The following MLIP variants were observed in gnomAD, a reference collection of about 807,000 sequenced individuals.
MLIP encodes muscular LMNA interacting protein.
Under a neutral mutation model 84.8 loss-of-function variants are expected in MLIP, and 79 were observed. The ratio of observed to expected loss-of-function variants is 0.93; its 90% CI spans 0.78 to 1.12. The LOEUF (loss-of-function observed/expected upper bound fraction) is 1.12. Among genes scored for constraint, MLIP ranks in the 50% most tolerant of loss-of-function variants. The pLI, the probability that MLIP is intolerant of heterozygous loss-of-function variation, is 0.00. For synonymous variants in MLIP, 504 were observed against 463.0 expected (o/e 1.09, Z -1.14); for missense variants, 1,257 against 1,160.6 (o/e 1.08, Z -1.21).
intron 1 of MLIP, among the ~76,000 whole-genome samples, chr6:54,027,525 A>G (rs1031347268): frequency 8.5e-5 from 13 of 152,156 alleles, no homozygotes; most frequent in African/African-American, 2.7e-4. Context: ...CCTGACACAG[A>G]TATCTTAGTT....
intron 1 of MLIP, among the ~76,000 whole-genome samples, chr6:54,051,139 T>G (rs900232039): frequency 6.6e-6 from 1 of 151,914 alleles, no homozygotes; most frequent in Non-Finnish European, 1.5e-5. Context: ...TCAACCTCCT[T>G]GTTGGACCTC....
intron 9 of MLIP, among the ~76,000 whole-genome samples, chr6:54,174,569 A>G (rs1460196080): frequency 1.3e-5 from 2 of 151,914 alleles, no homozygotes; most frequent in Admixed American, 6.6e-5. Context: ...ATCTATTGAA[A>G]TCTTTTGCCG....
chr6:54,167,030 T>C (rs1377545425), intron 8 of MLIP, among the ~76,000 whole-genome samples: 6 of 151,936 alleles, frequency 3.9e-5, no homozygotes, highest in Admixed American at 3.9e-4. Flanking sequence ...CCTATTTCTA[T>C]AGCTTCAGAA....
chr6:54,218,937 C>T (rs939270607), intron 11 of MLIP, among the ~76,000 whole-genome samples: 1 of 151,994 alleles, frequency 6.6e-6, no homozygotes, highest in African/African-American at 2.4e-5. Flanking sequence ...GGTGCAGTGG[C>T]TCACACCTGT....
At chr6:54,102,454 A>C (rs1582145133) in intron 1 of MLIP, among the ~76,000 whole-genome samples, 1 of 152,056 alleles carries the variant, frequency 6.6e-6, no homozygotes, top group Admixed American at 6.6e-5. Flanking sequence ...TTCTTTATGT[A>C]CCCTGGCCTC....
chr6:54,088,867 T>C (rs1263416070), intron 1 of MLIP, among the ~76,000 whole-genome samples: 1 of 152,176 alleles, frequency 6.6e-6, no homozygotes, highest in East Asian at 1.9e-4. Flanking sequence ...TAGATATTCT[T>C]ATAGTAGAAG....
intron 11 of MLIP, chr6:54,216,473 G>C: frequency 1.0e-6 from 1 of 985,404 alleles, no homozygotes; most frequent in Non-Finnish European, 1.2e-6. Context: ...TTTCCCTTGA[G>C]TGTACCTCCA....
chr6:54,127,427 A>G (rs529707058), intron 3 of MLIP, among the ~76,000 whole-genome samples: 3 of 152,294 alleles, frequency 2.0e-5, no homozygotes, highest in South Asian at 4.1e-4. Flanking sequence ...AAAAGATTGC[A>G]TATCTTTTCA....
At chr6:54,102,791 T>C (rs990312579) in intron 1 of MLIP, among the ~76,000 whole-genome samples, 9 of 152,118 alleles carry the variant, frequency 5.9e-5, no homozygotes, top group Admixed American at 3.9e-4. Context: ...AACAAATACA[T>C]TTCCCATCAC....
At position 54,137,678 on chromosome 6, in the gene MLIP, C is replaced by T; in HGVS notation, c.1609C>T (p.Leu537Phe). 1 of 1,536,104 alleles carries T rather than the reference C, an allele frequency of 6.5e-7. No individual in the cohort carries two copies. The highest frequency in any genetic ancestry group is 2.0e-5 in the Admixed American group (1 of 50,992). ...PSPTLKSNTM[L>F]SLLQTSTSSS... ...ACCTACTTTGAAGAGCAATACCATG[C>T]TCTCCCTGCTACAAACCAGTACATC... The change falls in exon 4 of 14, where the codon CTC (leucine) becomes TTC (phenylalanine). Residue 537 changes from leucine to phenylalanine, a missense_variant. Physicochemically the swap from Leu to Phe is conservative, Grantham distance 22. Transcript: ENST00000502396.
At chr6:54,166,131 G>A (rs1436405139) in intron 8 of MLIP, among the ~76,000 whole-genome samples, 1 of 151,894 alleles carries the variant, frequency 6.6e-6, no homozygotes, top group Non-Finnish European at 1.5e-5. Context: ...TAAGAAGCTG[G>A]AAATGTCCTC....
intron 8 of MLIP, among the ~76,000 whole-genome samples, chr6:54,164,093 A>C (rs1008029676): frequency 6.6e-6 from 1 of 151,856 alleles, no homozygotes; most frequent in Non-Finnish European, 1.5e-5. Flanking sequence ...TTTATGTATG[A>C]TCTTACAGAT....
intron 4 of MLIP, among the ~76,000 whole-genome samples, chr6:54,143,923 A>G (rs1772551524): frequency 6.6e-6 from 1 of 152,198 alleles, no homozygotes; most frequent in Admixed American, 6.5e-5. Flanking sequence ...AAAATATTAT[A>G]ATAAAATGAA....
intron 5 of MLIP, among the ~76,000 whole-genome samples, chr6:54,151,274 G>T (rs539451707): frequency 4.2e-4 from 64 of 151,886 alleles, no homozygotes; most frequent in African/African-American, 1.5e-3. Flanking sequence ...AAATATCAAA[G>T]CCTTATCTAA....
rs762279694 is a variant in MLIP, at chr6:54,230,756, T to C, written c.2761T>C (p.Tyr921His). ...CAAGCCTGTCTCGCTCCATCCTTTA[T>C]ATCAGACTAAACTCTATCCTCCTGC... ...PPKPVSLHPLYQTKLYPPAKS... is the reference protein window; with the variant it reads ...PPKPVSLHPLHQTKLYPPAKS... Residue 921 changes from tyrosine to histidine, a missense_variant, in exon 12 of 14, where the codon TAT becomes CAT. Transcript: ENST00000502396. 6.2e-7 allele frequency: 1 copy of C among 1,614,158 alleles called. No homozygotes were observed. The highest frequency in any genetic ancestry group is 8.5e-7 in the Non-Finnish European group (1 of 1,180,004).
intron 5 of MLIP, among the ~76,000 whole-genome samples, chr6:54,159,520 C>T (rs1002865465): frequency 3.9e-5 from 6 of 152,014 alleles, no homozygotes; most frequent in African/African-American, 1.2e-4. Context: ...GTAGAGTCAA[C>T]GCTTGCAAGA....
Position 54,137,533 on chromosome 6 carries a change from G to A in MLIP, c.1464G>A (p.Gln488=). 6.5e-7 allele frequency: 1 copy of A among 1,536,108 alleles called. No individual in the cohort carries two copies. The highest frequency in any genetic ancestry group is 8.7e-7 in the Non-Finnish European group (1 of 1,146,914). The change falls in exon 4 of 14, where the codon CAG becomes CAA. Residue 488 remains glutamine (Q), a synonymous_variant. Coordinates refer to ENST00000502396, the MANE Select transcript of MLIP (RefSeq NM_001281747.2). ...QGELQVSELT[Q]QSFHLPVFTK... is the part of the protein sequence containing the mutation. ...AACTCCAGGTTTCTGAATTGACCCA[G>A]CAATCTTTTCACCTGCCTGTTTTCA... is the stretch of plus-strand genomic sequence containing the variant.
intron 1 of MLIP, among the ~76,000 whole-genome samples, chr6:54,087,081 GATCT>G (rs1439222217): frequency 6.6e-6 from 1 of 152,172 alleles, no homozygotes; most frequent in Non-Finnish European, 1.5e-5. Context: ...GTATCCCCAG[GATCT>G]AGGATAACAC....
At chr6:54,106,155 C>T (rs1049161528) in intron 1 of MLIP, among the ~76,000 whole-genome samples, 8 of 152,134 alleles carry the variant, frequency 5.3e-5, no homozygotes, top group Non-Finnish European at 1.2e-4. Context: ...GTCTCAAAGC[C>T]TAGCTGACCT....
Sources: gnomAD v4.1 joint callset for allele counts (sites outside exome capture counted in the v4.1 genomes callset) on GRCh38, gnomAD v4.1.1 for gene constraint, MANE v1.5 for transcripts, NCBI Gene and HGNC (gene_info 2026-07-23, HGNC 2026-07-21) for gene names.